The following LRRTM4 variants were observed in gnomAD, a reference collection of about 807,000 sequenced individuals.
LRRTM4 encodes the protein leucine-rich repeat transmembrane neuronal protein 4.
In LRRTM4, 25 loss-of-function variants were observed where a neutral mutation model predicts 47.6. That is an observed-to-expected ratio of 0.53 (90% CI 0.38 to 0.73). LRRTM4 has a LOEUF of 0.73. LRRTM4 is among the 30% of genes least tolerant of loss of function. The pLI is 0.00. For synonymous variants in LRRTM4, 311 were observed against 269.5 expected, an observed-to-expected ratio of 1.15 and a Z score of -1.51; for missense variants, 638 against 713.4, an observed-to-expected ratio of 0.89 and a Z score of 1.20.
intron 3 of LRRTM4, among the ~76,000 whole-genome samples, chr2:77,105,777 A>G (rs1245422056): frequency 2.6e-5 from 4 of 152,230 alleles, no homozygotes; most frequent in Non-Finnish European, 5.9e-5. Flanking sequence ...CATAGATGAA[A>G]TAAGTTTGCC....
intron 3 of LRRTM4, among the ~76,000 whole-genome samples, chr2:76,752,143 C>T (rs1454265543): frequency 6.6e-6 from 1 of 152,092 alleles, no homozygotes; most frequent in East Asian, 1.9e-4. Flanking sequence ...ATGTATAGAA[C>T]AGTGAATGTG....
intron 3 of LRRTM4, among the ~76,000 whole-genome samples, chr2:76,807,485 T>TATATAC (rs1553412721): frequency 3.2e-4 from 40 of 124,402 alleles, no homozygotes; most frequent in Admixed American, 1.5e-3. Flanking sequence ...TATATATATA[T>TATATAC]ACATATATAT....
chr2:76,796,914 A>G (rs1327945055), intron 3 of LRRTM4, among the ~76,000 whole-genome samples: 1 of 152,082 alleles, frequency 6.6e-6, no homozygotes, highest in Non-Finnish European at 1.5e-5. Context: ...AAGTTTAGAG[A>G]AAAAAGAATA....
chr2:77,315,393 TATAAC>T (rs1285618458), intron 3 of LRRTM4, among the ~76,000 whole-genome samples: 7 of 152,176 alleles, frequency 4.6e-5, no homozygotes, highest in Non-Finnish European at 8.8e-5. Flanking sequence ...ATATAACTCA[TATAAC>T]ATACATAACT....
At chr2:77,039,097 T>TG (rs1434608331) in intron 3 of LRRTM4, among the ~76,000 whole-genome samples, 1 of 151,202 alleles carries the variant, frequency 6.6e-6, no homozygotes, top group African/African-American at 2.4e-5. Flanking sequence ...AAAAATAAAT[T>TG]GATCAAGGGA....
At chr2:76,846,680 A>C (rs1671846812) in intron 3 of LRRTM4, among the ~76,000 whole-genome samples, 1 of 152,152 alleles carries the variant, frequency 6.6e-6, no homozygotes, top group Non-Finnish European at 1.5e-5. Context: ...TTTAATTAAA[A>C]ACATACCTGA....
chr2:77,160,471 T>C lies in LRRTM4; in HGVS notation c.1551+357847A>G, dbSNP rs934983071. Among the ~76,000 whole-genome samples, 35 of 151,028 alleles carry C rather than the reference T, an allele frequency of 2.3e-4. 1 individual carries two copies. The highest frequency in any genetic ancestry group is 1.3e-4 in the Admixed American group (2 of 14,984). On this transcript the variant is annotated intron_variant, in intron 3 of 3. Transcript: ENST00000409884. ...GTATTTTAGTGTTGAACTTATAGAT[T>C]CCATATAGCCAAAGGACATTGTTTA...
chr2:77,060,907 T>G (rs1312024435), intron 3 of LRRTM4, among the ~76,000 whole-genome samples: 3 of 152,120 alleles, frequency 2.0e-5, no homozygotes, highest in South Asian at 4.1e-4. Context: ...TTATATAAAT[T>G]TATTCTATGC....
At chr2:76,997,526 C>G (rs1429227266) in intron 3 of LRRTM4, among the ~76,000 whole-genome samples, 3 of 152,036 alleles carry the variant, frequency 2.0e-5, no homozygotes, top group African/African-American at 7.2e-5. Flanking sequence ...TGAGATCCAC[C>G]AAAGCTCAAA....
At chr2:76,925,792 GT>G (rs1273347263) in intron 3 of LRRTM4, among the ~76,000 whole-genome samples, 1 of 152,064 alleles carries the variant, frequency 6.6e-6, no homozygotes, top group East Asian at 1.9e-4. Flanking sequence ...TGGCAAAGTG[GT>G]TTTTTAGGAA....
At chr2:76,855,062 G>A (rs912968963) in intron 3 of LRRTM4, among the ~76,000 whole-genome samples, 12 of 152,154 alleles carry the variant, frequency 7.9e-5, no homozygotes, top group Admixed American at 2.0e-4. Context: ...TTTTGAAAGA[G>A]AAGAAATGTT....
At chr2:76,830,164 C>T (rs1671306424) in intron 3 of LRRTM4, among the ~76,000 whole-genome samples, 1 of 151,942 alleles carries the variant, frequency 6.6e-6, no homozygotes, top group Admixed American at 6.6e-5. Context: ...ATTTTTTTCA[C>T]AGGAGAATCT....
At chr2:77,281,899 C>T (rs917427278) in intron 3 of LRRTM4, among the ~76,000 whole-genome samples, 14 of 151,660 alleles carry the variant, frequency 9.2e-5, no homozygotes, top group African/African-American at 2.7e-4. Flanking sequence ...TAAAATAAGA[C>T]GCAGGTGACA....
chr2:77,442,201 CTG>C (rs1675870558), intron 3 of LRRTM4, among the ~76,000 whole-genome samples: 1 of 152,128 alleles, frequency 6.6e-6, no homozygotes, highest in Non-Finnish European at 1.5e-5. Flanking sequence ...TTTATTTCAC[CTG>C]TGTTTTCCTT....
intron 3 of LRRTM4, among the ~76,000 whole-genome samples, chr2:77,428,096 A>C (rs1675196615): frequency 1.3e-5 from 2 of 152,106 alleles, no homozygotes; most frequent in Non-Finnish European, 1.5e-5. Context: ...TTTGCTTGAC[A>C]CTTCTCCTTC....
intron 3 of LRRTM4, among the ~76,000 whole-genome samples, chr2:77,033,212 CAT>C (rs1217840281): frequency 1.3e-4 from 19 of 151,822 alleles, no homozygotes; most frequent in Admixed American, 6.6e-5. Flanking sequence ...ATTTAAAACT[CAT>C]ATTTTCTAAA....
rs192654709 is a variant in LRRTM4 at position 77,024,806 on chromosome 2, A to C, written c.1552-275890T>G. ...AATTCTATTATTGGAAACACATTTT[A>C]AACACTGAATCTAGTACACTGTTTC... On this transcript the variant is annotated intron_variant, in intron 3 of 3. Transcript: ENST00000409884. 1.9e-3 allele frequency among the ~76,000 whole-genome samples: 294 copies of C among 152,304 alleles called. 1 individual carries two copies. Among genetic ancestry groups the C allele is most frequent in the Non-Finnish European group, 3.4e-3 (231 of 68,006 alleles).
chr2:77,398,799 G>A lies in LRRTM4; in HGVS notation c.1551+119519C>T, dbSNP rs2861046. Among the ~76,000 whole-genome samples, 877 of 151,852 alleles carry A rather than the reference G, an allele frequency of 5.8e-3. 8 individuals are homozygous for A. The highest frequency in any genetic ancestry group is 0.02 in the African/African-American group (844 of 41,466). On this transcript the variant is annotated intron_variant, in intron 3 of 3. Transcript: ENST00000409884. ...TGACCTTATGGTCTAAAAACAATGT[G>A]TGTTTGCAGTTCTGAGCTAAGGAAT...
At chr2:77,400,699 G>C (rs189546790) in intron 3 of LRRTM4, among the ~76,000 whole-genome samples, 3 of 151,836 alleles carry the variant, frequency 2.0e-5, no homozygotes, top group East Asian at 3.9e-4. Flanking sequence ...GCTCAAGTTC[G>C]GCAGCCTCTT....
Sources: allele counts gnomAD v4.1 joint callset (sites outside exome capture counted in the v4.1 genomes callset), GRCh38; gene constraint gnomAD v4.1.1; transcripts MANE v1.5; gene names NCBI Gene and HGNC (gene_info 2026-07-23, HGNC 2026-07-21).